The following N4BP2 variants were observed in gnomAD, a reference collection of about 807,000 sequenced individuals.
The protein encoded by N4BP2 is NEDD4-binding protein 2.
A neutral mutation model predicts 152.8 loss-of-function variants in N4BP2; 91 were observed. The ratio of observed to expected loss-of-function variants is 0.60; its 90% CI spans 0.50 to 0.71. The LOEUF is 0.71. Among genes scored for constraint, N4BP2 ranks in the 30% least tolerant of loss-of-function variants. The pLI, the probability that N4BP2 is intolerant of heterozygous loss-of-function variation, is 0.00. For missense variants in N4BP2, 1,923 were observed against 2,059.1 expected (o/e 0.93, Z 1.28); for synonymous variants, 646 against 705.3 (o/e 0.92, Z 1.33).
chr4:40,141,340 T>G (rs1202126716), intron 14 of N4BP2, among the ~76,000 whole-genome samples: 1 of 143,226 alleles, frequency 7.0e-6, no homozygotes, highest in African/African-American at 2.7e-5. Context: ...CGGGGCGGCT[T>G]CCGGGCGGAG....
chr4:40,079,994 G>T (rs2664188), intron 2 of N4BP2, among the ~76,000 whole-genome samples: 1 of 151,634 alleles, frequency 6.6e-6, no homozygotes, highest in East Asian at 1.9e-4. Context: ...GGGAGGGGGG[G>T]ATATATTTGT....
chr4:40,147,057 G>A (rs1001642260), intron 16 of N4BP2, among the ~76,000 whole-genome samples: 2 of 149,528 alleles, frequency 1.3e-5, no homozygotes, highest in African/African-American at 4.9e-5. Flanking sequence ...AGGACCCTGC[G>A]GCCTTCCGCA....
chr4:40,110,323 G>C (rs1251497089), intron 5 of N4BP2, among the ~76,000 whole-genome samples: 1 of 152,204 alleles, frequency 6.6e-6, no homozygotes, highest in Non-Finnish European at 1.5e-5. Flanking sequence ...CTGCCATGCT[G>C]TTTTCCAAAG....
chr4:40,183,086 G>T, the N4BP2 span, among the ~76,000 whole-genome samples: 1 of 152,134 alleles, frequency 6.6e-6, no homozygotes, highest in Admixed American at 6.5e-5. Flanking sequence ...TAGTGGTTTG[G>T]CTTTGCTTCC....
chr4:40,088,314 G>GAGTTGTATGGT (rs765812575), intron 2 of N4BP2, among the ~76,000 whole-genome samples: 8 of 152,110 alleles, frequency 5.3e-5, no homozygotes, highest in Non-Finnish European at 7.4e-5. Flanking sequence ...TGCAATTGCT[G>GAGTTGTATGGT]AGTTGTATGG....
intron 14 of N4BP2, 76 bp from the exon 15 acceptor site, chr4:40,142,597 C>A: frequency 3.1e-6 from 3 of 964,540 alleles, no homozygotes; most frequent in Non-Finnish European, 4.7e-6. Context: ...TTTTCATGTG[C>A]GTTTTGTGAA....
chr4:40,183,750 A>G, the N4BP2 span, among the ~76,000 whole-genome samples: 1 of 152,250 alleles, frequency 6.6e-6, no homozygotes, highest in Admixed American at 6.5e-5. Flanking sequence ...TGGCTTAGGT[A>G]AGACATTTAT....
chr4:40,083,483 A>G (rs1713608172), intron 2 of N4BP2, among the ~76,000 whole-genome samples: 1 of 152,258 alleles, frequency 6.6e-6, no homozygotes, highest in Non-Finnish European at 1.5e-5. Flanking sequence ...TATCCGTACC[A>G]TGCAATATTT....
intron 8 of N4BP2, among the ~76,000 whole-genome samples, chr4:40,119,596 G>A (rs1442357593): frequency 6.6e-6 from 1 of 152,092 alleles, no homozygotes. Flanking sequence ...AGCTAGAAAA[G>A]TGGTGTCCTC....
intron 2 of N4BP2, among the ~76,000 whole-genome samples, chr4:40,080,938 T>C (rs1033362631): frequency 6.6e-6 from 1 of 152,034 alleles, no homozygotes. Context: ...AGTGCTGGGA[T>C]TACAGGCATG....
Position 40,066,320 on chromosome 4 carries a change from C to CCTTTTTTTTTTTTTT in N4BP2, c.-211-7135_-211-7134insCTTTTTTTTTTTTTT, listed in dbSNP as rs796388604. Among the ~76,000 whole-genome samples the CCTTTTTTTTTTTTTT allele has an allele frequency of 1.5e-5, 2 of 129,068 alleles. 1 individual carries two copies. Among genetic ancestry groups the CCTTTTTTTTTTTTTT allele is most frequent in the Non-Finnish European group, 3.2e-5 (2 of 63,128 alleles). The allele number at this position is 129,068 out of a possible 152,430, so 84.7% of individuals were successfully genotyped here. A position where few individuals can be genotyped will look rare whatever the true frequency, so the allele number is the denominator to read the frequency against. ...TCAGGATTTCTATTTGTGATTTTCC[C>CCTTTTTTTTTTTTTT]TTTTTTTTTTTTTTTTGAGACAGTG... On this transcript the variant is annotated intron_variant, in intron 1 of 17. Coordinates refer to ENST00000261435, the MANE Select transcript of N4BP2 (RefSeq NM_018177.6).
intron 2 of N4BP2, among the ~76,000 whole-genome samples, chr4:40,087,646 G>A (rs567082663): frequency 6.6e-6 from 1 of 152,014 alleles, no homozygotes. Flanking sequence ...TTACAGGCAC[G>A]AGCCACCTTC....
the N4BP2 span, among the ~76,000 whole-genome samples, chr4:40,166,203 AC>A: frequency 2.0e-5 from 3 of 152,052 alleles, no homozygotes; most frequent in Non-Finnish European, 4.4e-5. Flanking sequence ...AGCTACAAAT[AC>A]CCCCACAGTA....
intron 3 of N4BP2, 63 bp downstream of exon 3, chr4:40,097,632 G>A: frequency 1.1e-6 from 1 of 892,576 alleles, no homozygotes; most frequent in Non-Finnish European, 1.8e-6. Flanking sequence ...ACTATGCCAT[G>A]ATTAATAGTA....
chr4:40,105,644 G>C (rs1579038236), intron 4 of N4BP2, among the ~76,000 whole-genome samples: 1 of 151,746 alleles, frequency 6.6e-6, no homozygotes, highest in Non-Finnish European at 1.5e-5. Flanking sequence ...TGAATTCCTG[G>C]GTTCAAGCAA....
At chr4:40,113,651 TA>T (rs1294999493) in intron 7 of N4BP2, 143 bp downstream of exon 7, 32 of 684,668 alleles carry the variant, frequency 4.7e-5, no homozygotes, top group Non-Finnish European at 7.6e-5. Context: ...TGTCCAGTTT[TA>T]TGAAGAGTTT....
downstream of N4BP2, among the ~76,000 whole-genome samples, chr4:40,159,496 G>A (rs1156497830): frequency 2.0e-5 from 3 of 152,204 alleles, no homozygotes; most frequent in African/African-American, 7.2e-5. Flanking sequence ...AGGCCAGGGT[G>A]GGTGGCTACA....
the N4BP2 span, among the ~76,000 whole-genome samples, chr4:40,179,612 C>T: frequency 6.6e-6 from 1 of 152,242 alleles, no homozygotes; most frequent in East Asian, 1.9e-4. Context: ...CCTGAGGTTA[C>T]ACAGCATAAT....
intron 17 of N4BP2, among the ~76,000 whole-genome samples, 187 bp from the exon 18 acceptor site, chr4:40,153,999 ATTGTAT>A (rs1721391132): frequency 6.6e-6 from 1 of 152,170 alleles, no homozygotes; most frequent in Non-Finnish European, 1.5e-5. Flanking sequence ...CAGCTTTAAG[ATTGTAT>A]TTGTTTTGAC....
Sources: gnomAD v4.1 joint callset for allele counts (sites outside exome capture counted in the v4.1 genomes callset) on GRCh38, gnomAD v4.1.1 for gene constraint, MANE v1.5 for transcripts, NCBI Gene and HGNC (gene_info 2026-07-23, HGNC 2026-07-21) for gene names.